GP2: variants seen among roughly 807,000 people sequenced by gnomAD.
GP2 encodes the protein pancreatic secretory granule membrane major glycoprotein GP2.
A neutral mutation model predicts 60.8 loss-of-function variants in GP2; 58 were observed. That is an observed-to-expected ratio of 0.95 (90% CI 0.77 to 1.19). The LOEUF is 1.19. Among genes scored for constraint, GP2 ranks in the 50% most tolerant of loss-of-function variants. The pLI is 0.00. For missense variants in GP2, 647 were observed against 667.4 expected, an observed-to-expected ratio of 0.97 and a Z score of 0.34; for synonymous variants, 280 against 253.4, an observed-to-expected ratio of 1.10 and a Z score of -1.00.
In GP2 at chr16:20,317,265, A is replaced by T. The variant is rs769134923; in HGVS notation, c.1364T>A (p.Phe455Tyr). Residue 455 changes from phenylalanine (F) to tyrosine (Y), a missense_variant, in exon 8 of 11, where the codon TTC becomes TAC. Physicochemically the swap from Phe to Tyr is conservative, Grantham distance 22. Coordinates refer to ENST00000302555, the MANE Select transcript of GP2 (RefSeq NM_001502.4). Reference protein sequence around the residue: ...FMFAGHYDLVFLHCEIHLCDS... With the variant: ...FMFAGHYDLVYLHCEIHLCDS... ...ACAGAGATGAATCTCACAATGCAGG[A>T]AAACTAGGTCATAATGTCCAGCAAA... is the stretch of plus-strand genomic sequence containing the variant. 1 of 1,613,668 alleles carries T rather than the reference A, an allele frequency of 6.2e-7. No individual in the cohort carries two copies. The highest frequency in any genetic ancestry group is 8.5e-7 in the Non-Finnish European group (1 of 1,179,570).
In GP2 at chr16:20,320,223, C is replaced by A. The variant is rs759047777; in HGVS notation, c.858+39G>T. The A allele has an allele frequency of 2.8e-6, 4 of 1,443,146 alleles. No individual in the cohort carries two copies. In the East Asian group the frequency reaches 9.1e-5, roughly 33 times the overall value. The allele number at this position is 1,443,146 out of a possible 1,614,324, so 89.4% of individuals were successfully genotyped here. On this transcript the variant is annotated intron_variant, in intron 5 of 10. Transcript: ENST00000302555. Reference sequence around the variant, plus strand: ...ACTATGATAGGTCCCATCAGCCCAACACATACCTTCTGGCAGCAGTGGTGT... The same window carrying A: ...ACTATGATAGGTCCCATCAGCCCAAAACATACCTTCTGGCAGCAGTGGTGT...
At position 20,322,231 on chromosome 16, in the gene GP2, C is replaced by T. The variant is rs374097690; in HGVS notation, c.646+638G>A. On this transcript the variant is annotated intron_variant, in intron 4 of 10. Coordinates refer to ENST00000302555, the MANE Select transcript of GP2 (RefSeq NM_001502.4). ...TTGTGCCAAAGGCAAGATCAAAGGC[C>T]CTTGTTAGAGTTCAGTGATGGAGGG... Among the ~76,000 whole-genome samples the T allele has an allele frequency of 7.2e-5, 11 of 152,258 alleles. No individual in the cohort carries two copies. The South Asian group carries it at 2.3e-3, about 32-fold the overall frequency.
intron 1 of GP2, 124 bp from the exon 2 acceptor site, chr16:20,326,591 G>T: frequency 1.3e-6 from 1 of 758,520 alleles, no homozygotes; most frequent in Non-Finnish European, 2.1e-6. Flanking sequence ...TGGACAGATA[G>T]AGCGAGATAA....
intron 3 of GP2, chr16:20,323,499 T>C (rs1964436025): frequency 2.9e-5 from 16 of 547,140 alleles, no homozygotes; most frequent in South Asian, 2.8e-4. Flanking sequence ...CCCCCCCCTT[T>C]TTTTCAGATC....
At position 20,317,391 on chromosome 16, in the gene GP2, G is replaced by A. The variant is rs1280999478; in HGVS notation, c.1254-16C>T. On this transcript the variant is annotated splice_polypyrimidine_tract_variant and intron_variant, in intron 7 of 10. Coordinates refer to ENST00000302555, the MANE Select transcript of GP2 (RefSeq NM_001502.4). ...ATTTGAGCAGCTGGGAGGGTGACAG[G>A]GGCAAAGGTGTAACTTCTAAAAACA... The A allele has an allele frequency of 3.1e-6, 5 of 1,607,904 alleles. No individual in the cohort carries two copies. The highest frequency in any genetic ancestry group is 3.4e-6 in the Non-Finnish European group (4 of 1,175,158).
chr16:20,326,551 G>T (rs1964540942), intron 1 of GP2, 84 bp from the exon 2 acceptor site: 1 of 1,105,792 alleles, frequency 9.0e-7, no homozygotes, highest in Non-Finnish European at 1.3e-6. Flanking sequence ...TTCATAAAGA[G>T]CTGCATTGTT....
At chr16:20,324,527 A>C (rs148846009) in intron 2 of GP2, among the ~76,000 whole-genome samples, 1 of 152,330 alleles carries the variant, frequency 6.6e-6, no homozygotes, top group Non-Finnish European at 1.5e-5. Context: ...TTTCCTGTGC[A>C]TCATGCAAAC....
rs1158908155 is a variant in GP2 at position 20,320,441 on chromosome 16, C to T, written c.679G>A (p.Gly227Arg). The change falls in exon 5 of 11, where the codon GGG (glycine) becomes AGG (arginine). Residue 227 changes from glycine (G) to arginine (R), a missense_variant. Coordinates refer to ENST00000302555, the MANE Select transcript of GP2 (RefSeq NM_001502.4). Reference protein sequence around the residue: ...VHSLQPQLDCGPREIKVKVDK... With the variant: ...VHSLQPQLDCRPREIKVKVDK... ...ACCTTCACCTTGATCTCCCTGGGCC[C>T]ACAGTCTAGCTGAGGCTGCAAACTG... is the stretch of plus-strand genomic sequence containing the variant. 6.2e-7 allele frequency: 1 copy of T among 1,613,836 alleles called. No homozygotes were observed. Among genetic ancestry groups the T allele is most frequent in the African/African-American group, 1.3e-5 (1 of 74,918 alleles).
chr16:20,317,536 G>C (rs1964223990), intron 7 of GP2, among the ~76,000 whole-genome samples, 161 bp from the exon 8 acceptor site: 1 of 152,160 alleles, frequency 6.6e-6, no homozygotes, highest in Non-Finnish European at 1.5e-5. Flanking sequence ...AATTATTTGA[G>C]GGCACAGTCT....
chr16:20,321,417 C>T (rs1004281900), intron 4 of GP2, among the ~76,000 whole-genome samples: 2 of 152,190 alleles, frequency 1.3e-5, no homozygotes, highest in African/African-American at 2.4e-5. Flanking sequence ...GGACTTGGCC[C>T]ATGAGGATTT....
chr16:20,320,536 C>G (rs1206032249), intron 4 of GP2, 63 bp from the exon 5 acceptor site: 3 of 1,056,700 alleles, frequency 2.8e-6, no homozygotes, highest in Non-Finnish European at 4.4e-6. Flanking sequence ...TTTCCCTACT[C>G]TTTGGTAACA....
In GP2 at chr16:20,324,276, C is replaced by A; in HGVS notation, c.95-20G>T. On this transcript the variant is annotated intron_variant, in intron 2 of 10. Coordinates refer to ENST00000302555, the MANE Select transcript of GP2 (RefSeq NM_001502.4). ...CATAACCTGGGAAAGTGACAGAGTGCAGTTGGGTTTACTGAGCAATGCCAG... is the reference window on the plus strand; with the variant it reads ...CATAACCTGGGAAAGTGACAGAGTGAAGTTGGGTTTACTGAGCAATGCCAG... 6.5e-7 allele frequency: 1 copy of A among 1,543,998 alleles called. No homozygotes were observed. Among genetic ancestry groups the A allele is most frequent in the South Asian group, 1.2e-5 (1 of 84,116 alleles).
At chr16:20,319,588 T>A (rs756438650) in intron 6 of GP2, 32 bp downstream of exon 6, 74 of 1,557,882 alleles carry the variant, frequency 4.8e-5, no homozygotes, top group Middle Eastern at 1.7e-4. Flanking sequence ...TTGCCAGGGT[T>A]ATGGGTCAAA....
chr16:20,323,310 C>A (rs1391198144), intron 3 of GP2: 1 of 712,990 alleles, frequency 1.4e-6, no homozygotes, highest in African/African-American at 1.8e-5. Flanking sequence ...TACCATGCTC[C>A]AGCTCTGTGA....
chr16:20,317,055 C>A (rs540208805), intron 8 of GP2, among the ~76,000 whole-genome samples, 158 bp downstream of exon 8: 1 of 150,470 alleles, frequency 6.6e-6, no homozygotes, highest in East Asian at 2.0e-4. Context: ...CCTTCCCGTT[C>A]TCTTTCCCCT....
chr16:20,314,812 C>A lies in GP2; in HGVS notation c.1502-111G>T, dbSNP rs757002702. The stretch of plus-strand genomic sequence containing the variant: ...TAGACCTGGCCATCGCAACCACCAG[C>A]AAGTTTGTGGCCACATTGTGGGGGC... On this transcript the variant is annotated intron_variant, in intron 9 of 10. Coordinates refer to ENST00000302555, the MANE Select transcript of GP2 (RefSeq NM_001502.4). 2.6e-4 allele frequency: 211 copies of A among 799,266 alleles called. 1 individual carries two copies. Among genetic ancestry groups the A allele is most frequent in the Admixed American group, 1.4e-3 (76 of 55,476 alleles). The allele number at this position is 799,266 out of a possible 1,614,324, so 49.5% of individuals were successfully genotyped here.
chr16:20,317,267 A>T lies in GP2; in HGVS notation c.1362T>A (p.Val454=), dbSNP rs547290372. Residue 454 remains valine (V), a synonymous_variant, in exon 8 of 11, where the codon GTT becomes GTA. Transcript: ENST00000302555. ...AGAGATGAATCTCACAATGCAGGAA[A>T]ACTAGGTCATAATGTCCAGCAAACA... ...MFMFAGHYDL[V]FLHCEIHLCD... is the part of the protein sequence containing the mutation. 1.7e-5 allele frequency: 27 copies of T among 1,613,696 alleles called. No individual in the cohort carries two copies. The South Asian group carries it at 2.5e-4, about 15-fold the overall frequency.
chr16:20,310,877 C>A lies in GP2; in HGVS notation c.*346G>T. The A allele has an allele frequency of 5.0e-6, 1 of 199,964 alleles. No individual in the cohort carries two copies. 12.4% of individuals were successfully genotyped at this position (199,964 alleles called of 1,614,324 possible). A position where few individuals can be genotyped will look rare whatever the true frequency, so the allele number is the denominator to read the frequency against. On this transcript the variant is annotated 3_prime_UTR_variant, in exon 11 of 11. Coordinates refer to ENST00000302555, the MANE Select transcript of GP2 (RefSeq NM_001502.4). ...GTTCGAGCAATTCTCCTGCCTTGGC[C>A]TCCCGAGTAGCTGGGATTACAGGCG...
intron 7 of GP2, 54 bp downstream of exon 7, chr16:20,318,131 A>T: frequency 6.7e-7 from 1 of 1,492,702 alleles, no homozygotes; most frequent in Non-Finnish European, 9.3e-7. Context: ...TGAGATGAAC[A>T]CTTTCCTGTA....
Sources: gnomAD v4.1 joint callset for allele counts (sites outside exome capture counted in the v4.1 genomes callset) on GRCh38, gnomAD v4.1.1 for gene constraint, MANE v1.5 for transcripts, NCBI Gene and HGNC (gene_info 2026-07-23, HGNC 2026-07-21) for gene names.